The following DISC1 variants were observed in gnomAD, a reference collection of about 807,000 sequenced individuals.
The protein encoded by DISC1 is DISC1 scaffold protein.
DISC1 carries 57 observed loss-of-function variants against 84.5 expected under a neutral mutation model. That is an observed-to-expected ratio of 0.67 (90% confidence interval 0.55 to 0.84). The LOEUF is 0.84. Ranked by LOEUF, DISC1 falls within the 40% of genes least tolerant of loss-of-function variation. The probability of loss-of-function intolerance (pLI) is 0.00; values close to 1 mark genes in which losing one functional copy is unlikely to be tolerated. For missense variants in DISC1, 1,000 were observed against 1,057.8 expected (o/e 0.95, Z 0.76); for synonymous variants, 411 against 415.2 (o/e 0.99, Z 0.12).
At position 231,830,572 on chromosome 1, in the gene DISC1, C is replaced by T. The variant is rs1057375567; in HGVS notation, c.1981+12055C>T. Among the ~76,000 whole-genome samples, 37 of 152,146 alleles carry T rather than the reference C, an allele frequency of 2.4e-4. No individual in the cohort carries two copies. The South Asian group carries it at 5.6e-3, about 23-fold the overall frequency. On this transcript the variant is annotated intron_variant, in intron 9 of 12. Transcript: ENST00000439617. Reference sequence around the variant, plus strand: ...TTGGAAAAACAGTGTAAACCGGCAGCGTAAACAAGAGCAGGGCATGTATGA... The same window carrying T: ...TTGGAAAAACAGTGTAAACCGGCAGTGTAAACAAGAGCAGGGCATGTATGA...
intron 1 of DISC1, among the ~76,000 whole-genome samples, chr1:231,655,845 G>T (rs2061019611): frequency 6.6e-6 from 1 of 152,122 alleles, no homozygotes; most frequent in African/African-American, 2.4e-5. Flanking sequence ...ATTCCCTGAT[G>T]ATTAGTGATG....
chr1:231,637,956 C>T (rs1432386967), intron 1 of DISC1, among the ~76,000 whole-genome samples: 3 of 152,198 alleles, frequency 2.0e-5, no homozygotes, highest in Non-Finnish European at 4.4e-5. Flanking sequence ...TACATTCTCA[C>T]CAATAGTGTT....
At chr1:231,981,680 A>G (rs932495008) in intron 10 of DISC1, among the ~76,000 whole-genome samples, 6 of 152,208 alleles carry the variant, frequency 3.9e-5, no homozygotes, top group African/African-American at 1.2e-4. Context: ...GTGGTTGTCC[A>G]TGAAGGTTCT....
At chr1:231,811,471 T>G (rs908218643) in intron 8 of DISC1, among the ~76,000 whole-genome samples, 3 of 152,242 alleles carry the variant, frequency 2.0e-5, no homozygotes, top group African/African-American at 7.2e-5. Flanking sequence ...CAAGACAAAT[T>G]ATACAGCAGT....
chr1:231,827,243 C>A (rs1196888883), intron 9 of DISC1, among the ~76,000 whole-genome samples: 1 of 151,932 alleles, frequency 6.6e-6, no homozygotes, highest in Non-Finnish European at 1.5e-5. Context: ...GCCTCGGCCC[C>A]CTAAAGGGCT....
chr1:231,799,475 C>G (rs2079014805), intron 7 of DISC1, among the ~76,000 whole-genome samples: 2 of 152,024 alleles, frequency 1.3e-5, no homozygotes, highest in Admixed American at 6.6e-5. Flanking sequence ...AATAGAATTA[C>G]ATGGTGTATC....
rs578069072 is a variant in DISC1, at chr1:231,664,011, G to A, written c.68-29815G>A. 4.6e-5 allele frequency among the ~76,000 whole-genome samples: 7 copies of A among 151,036 alleles called. No individual in the cohort carries two copies. The South Asian group carries it at 1.5e-3, about 32-fold the overall frequency. On this transcript the variant is annotated intron_variant, in intron 1 of 12. Coordinates refer to ENST00000439617, the MANE Select transcript of DISC1 (RefSeq NM_018662.3). Reference sequence around the variant, plus strand: ...GTGAGCTTCAGTTTCATGTGCTAATGCCATATCTATCTATCTATCCATCTA... The same window carrying A: ...GTGAGCTTCAGTTTCATGTGCTAATACCATATCTATCTATCTATCCATCTA...
chr1:231,901,394 T>C (rs2088163067), intron 9 of DISC1, among the ~76,000 whole-genome samples: 1 of 152,230 alleles, frequency 6.6e-6, no homozygotes, highest in African/African-American at 2.4e-5. Context: ...TAAAATTTGC[T>C]CTTAGATGAC....
chr1:231,940,714 G>C (rs2126130167), intron 9 of DISC1, among the ~76,000 whole-genome samples: 1 of 152,338 alleles, frequency 6.6e-6, no homozygotes, highest in Middle Eastern at 3.4e-3. Context: ...AGCTGTTAGA[G>C]ATGCTGCGTG....
intron 1 of DISC1, among the ~76,000 whole-genome samples, chr1:231,639,687 GATA>G (rs1558218442): frequency 6.6e-6 from 1 of 152,194 alleles, no homozygotes; most frequent in African/African-American, 2.4e-5. Flanking sequence ...TGAAAATGGG[GATA>G]ATATCAGCCC....
intron 3 of DISC1, among the ~76,000 whole-genome samples, chr1:231,704,475 G>C (rs2066782043): frequency 6.6e-6 from 1 of 152,150 alleles, no homozygotes; most frequent in Non-Finnish European, 1.5e-5. Context: ...GCAGATTCTG[G>C]GCTGGGCGCG....
rs1038340191 is a variant in DISC1, at chr1:231,851,667, G to A, written c.1981+33150G>A. On this transcript the variant is annotated intron_variant, in intron 9 of 12. Coordinates refer to ENST00000439617, the MANE Select transcript of DISC1 (RefSeq NM_018662.3). ...TGGGGAGAGGAGTTGGCCGTGATGC[G>A]TCGTCATGGAGCATCTCACATGTAA... 2.6e-5 allele frequency among the ~76,000 whole-genome samples: 4 copies of A among 152,150 alleles called. No individual in the cohort carries two copies. In the South Asian group the frequency reaches 8.3e-4, roughly 32 times the overall value.
In DISC1 at chr1:231,967,188, C is replaced by A. The variant is rs183442532; in HGVS notation, c.2042+8300C>A. On this transcript the variant is annotated intron_variant, in intron 10 of 12. Coordinates refer to ENST00000439617, the MANE Select transcript of DISC1 (RefSeq NM_018662.3). ...GTCCAGAGGTGGCCAGCAGGGTGAG[C>A]AGCACCTGAAAGACCAAGGTCTGTT... Among the ~76,000 whole-genome samples the A allele has an allele frequency of 2.0e-4, 30 of 152,332 alleles. No individual in the cohort carries two copies. In the Middle Eastern group the frequency reaches 0.01, roughly 52 times the overall value.
At chr1:231,723,047 T>C in intron 3 of DISC1, 3 of 1,058,888 alleles carry the variant, frequency 2.8e-6, no homozygotes, top group Non-Finnish European at 3.4e-6. Context: ...CAATATGTAC[T>C]ACAGTTGTCC....
intron 6 of DISC1, among the ~76,000 whole-genome samples, chr1:231,779,657 T>C (rs1349287490): frequency 2.0e-5 from 3 of 148,452 alleles, no homozygotes; most frequent in Admixed American, 6.9e-5. Context: ...CTTCCCGGGT[T>C]CACGCCATTC....
rs982358684 is a variant in DISC1 at position 231,897,236 on chromosome 1, C to T, written c.1982-61592C>T. Among the ~76,000 whole-genome samples the T allele has an allele frequency of 1.3e-5, 2 of 152,210 alleles. No individual in the cohort carries two copies. The highest frequency in any genetic ancestry group is 4.8e-5 in the African/African-American group (2 of 41,452). Reference sequence around the variant, plus strand: ...GAGGGAGGACATATTGCAGCCAAACCTCGGTGAACTGACTTGGGTACGCTT... The same window carrying T: ...GAGGGAGGACATATTGCAGCCAAACTTCGGTGAACTGACTTGGGTACGCTT... On this transcript the variant is annotated intron_variant, in intron 9 of 12. Coordinates refer to ENST00000439617, the MANE Select transcript of DISC1 (RefSeq NM_018662.3). The surrounding 1 kb of genome is among the most constrained non-coding windows in gnomAD (Gnocchi z 4.5).
chr1:232,035,438 T>C (rs1239147178), intron 12 of DISC1, among the ~76,000 whole-genome samples: 2 of 152,104 alleles, frequency 1.3e-5, no homozygotes, highest in African/African-American at 2.4e-5. Context: ...AGTGCAAAAC[T>C]CTGTCTCAAA....
intron 10 of DISC1, among the ~76,000 whole-genome samples, chr1:231,971,286 C>T (rs1002228614): frequency 2.0e-5 from 3 of 152,058 alleles, no homozygotes; most frequent in South Asian, 2.1e-4. Context: ...TTTAATGATT[C>T]GAGGAAGCGT....
rs1467786097 is a variant in DISC1 at position 232,013,276 on chromosome 1, A to T, written c.2307+4227A>T. Among the ~76,000 whole-genome samples the T allele has an allele frequency of 2.0e-5, 3 of 152,130 alleles. No individual in the cohort carries two copies. The East Asian group carries it at 5.8e-4, about 29-fold the overall frequency. The stretch of plus-strand genomic sequence containing the variant: ...CTTCCTTTCTGAGCCAGTAGCTCTC[A>T]CCAAAGAGGCCAAAAGAGGACCTGG... On this transcript the variant is annotated intron_variant, in intron 11 of 12. Coordinates refer to ENST00000439617, the MANE Select transcript of DISC1 (RefSeq NM_018662.3).
Sources: allele counts gnomAD v4.1 joint callset (sites outside exome capture counted in the v4.1 genomes callset), GRCh38; gene constraint gnomAD v4.1.1; non-coding constraint Gnocchi (gnomAD v3.1); transcripts MANE v1.5; gene names NCBI Gene and HGNC (gene_info 2026-07-23, HGNC 2026-07-21).